The following POLR1A variants were observed in gnomAD, a reference collection of about 807,000 sequenced individuals.
POLR1A encodes the protein RNA polymerase I subunit A.
A neutral mutation model predicts 205.3 loss-of-function variants in POLR1A; 84 were observed. The observed-to-expected ratio is 0.41, with a 90% CI of 0.34 to 0.49. POLR1A has a LOEUF of 0.49. POLR1A is among the 20% of genes least tolerant of loss of function. POLR1A has a pLI of 0.22. For synonymous variants in POLR1A, 799 were observed against 863.7 expected (o/e 0.93, Z 1.31); for missense variants, 1,645 against 2,204.5 (o/e 0.75, Z 5.08).
Position 86,032,516 on chromosome 2 carries a change from C to A in POLR1A, c.4162-134G>T, listed in dbSNP as rs1573801619. ...ACCCCTTCTCCCATCCAGCCACCAC[C>A]CTCCATCCACTGCCACCCAACCCAA... On this transcript the variant is annotated intron_variant, in intron 28 of 33. Coordinates refer to ENST00000263857, the MANE Select transcript of POLR1A (RefSeq NM_015425.6). 3 of 686,716 alleles carry A rather than the reference C, an allele frequency of 4.4e-6. No homozygotes were observed. In the East Asian group the frequency reaches 8.1e-5, roughly 19 times the overall value. The allele number at this position is 686,716 out of a possible 1,614,324, so 42.5% of individuals were successfully genotyped here.
rs11372631 is a variant in POLR1A, at chr2:86,020,547, C to CAAAAAAAA, written c.*6868_*6875dup. 2 of 73,292 alleles carry CAAAAAAAA rather than the reference C, an allele frequency of 2.7e-5. No homozygotes were observed. The highest frequency in any genetic ancestry group is 9.6e-5 in the African/African-American group (2 of 20,896). 4.5% of individuals were successfully genotyped at this position (73,292 alleles called of 1,614,324 possible). ...TGGGCAACAGAGTGAGACCCCGTCT[C>CAAAAAAAA]AAAAAAAAAAAAAAAAAAAAAAAGA... On this transcript the variant is annotated 3_prime_UTR_variant, in exon 34 of 34. Transcript: ENST00000263857.
At position 86,095,319 on chromosome 2, in the gene POLR1A, C is replaced by A. The variant is rs778927391; in HGVS notation, c.432+3292G>T. 7.2e-5 allele frequency among the ~76,000 whole-genome samples: 11 copies of A among 152,298 alleles called. No individual in the cohort carries two copies. The South Asian group carries it at 1.5e-3, about 20-fold the overall frequency. On this transcript the variant is annotated intron_variant, in intron 3 of 33. Coordinates refer to ENST00000263857, the MANE Select transcript of POLR1A (RefSeq NM_015425.6). ...GAAATAAGACAAAGATACCCACTAC[C>A]ACTTCAACACAGTAATGTAGATCCT...
intron 7 of POLR1A, among the ~76,000 whole-genome samples, chr2:86,082,659 G>A (rs1192619026): frequency 1.3e-5 from 2 of 152,084 alleles, no homozygotes; most frequent in African/African-American, 4.8e-5. Context: ...TACTGCGTAG[G>A]TTTTGTTATA....
At chr2:86,032,118 G>T (rs1672408677) in intron 29 of POLR1A, among the ~76,000 whole-genome samples, 154 bp downstream of exon 29, 1 of 152,182 alleles carries the variant, frequency 6.6e-6, no homozygotes, top group African/African-American at 2.4e-5. Context: ...ATCTTCTCAA[G>T]AGAGAGGTAT....
At chr2:86,062,411 A>T (rs1367119291) in intron 14 of POLR1A, among the ~76,000 whole-genome samples, 1 of 152,200 alleles carries the variant, frequency 6.6e-6, no homozygotes, top group East Asian at 1.9e-4. Flanking sequence ...TATTTGGAAA[A>T]GCCCTCAATA....
At chr2:86,063,335 C>CAAAAAAAAAAAAAAAAAAAAAAAAAAAAA (rs34298205) in intron 14 of POLR1A, among the ~76,000 whole-genome samples, 1 of 41,230 alleles carries the variant, frequency 2.4e-5, no homozygotes. Flanking sequence ...AACTCCATCT[C>CAAAAAAAAAAAAAAAAAAAAAAAAAAAAA]AAAAAAAAAA....
At chr2:86,079,563 C>CTTT in intron 9 of POLR1A, among the ~76,000 whole-genome samples, 2 of 149,242 alleles carry the variant, frequency 1.3e-5, no homozygotes, top group Middle Eastern at 3.5e-3. Flanking sequence ...ACCAATTTTT[C>CTTT]TTTTTTTTTT....
At position 86,028,084 on chromosome 2, in the gene POLR1A, G is replaced by A. The variant is rs746483542; in HGVS notation, c.4898-35C>T. 5 of 1,609,736 alleles carry A rather than the reference G, an allele frequency of 3.1e-6. No homozygotes were observed. In the Admixed American group the frequency reaches 6.7e-5, roughly 21 times the overall value. ...GGGAGGTAAAATTAGGAGGGATTAA[G>A]CAGTGACCACGGGAGCAGTCAGCAG... On this transcript the variant is annotated intron_variant, in intron 32 of 33. Transcript: ENST00000263857. This position sits in a 1 kb window ranked among gnomAD's most constrained non-coding sequence, Gnocchi z 4.5.
At chr2:86,065,628 G>C in intron 13 of POLR1A, 163 bp from the exon 14 acceptor site, 1 of 624,022 alleles carries the variant, frequency 1.6e-6, no homozygotes, top group Non-Finnish European at 2.8e-6. Flanking sequence ...GGAGCCAACT[G>C]CTTCCCAAAG....
At chr2:86,069,879 C>T in intron 13 of POLR1A, 139 bp downstream of exon 13, 1 of 877,646 alleles carries the variant, frequency 1.1e-6, no homozygotes, top group Non-Finnish European at 1.7e-6. Context: ...AAAGCCCCAC[C>T]TGGGAGAAAC....
Position 86,020,735 on chromosome 2 carries a change from G to A in POLR1A, c.*6688C>T, listed in dbSNP as rs1403855742. On this transcript the variant is annotated 3_prime_UTR_variant, in exon 34 of 34. Coordinates refer to ENST00000263857, the MANE Select transcript of POLR1A (RefSeq NM_015425.6). The stretch of plus-strand genomic sequence containing the variant: ...TCTTTGCTGTGGAGACTGTCCTGTG[G>A]ACTGTAGTTTAGCAGCATCTCTAGC... 6.6e-6 allele frequency: 1 copy of A among 152,134 alleles called. No homozygotes were observed. Among genetic ancestry groups the A allele is most frequent in the African/African-American group, 2.4e-5 (1 of 41,408 alleles). 9.4% of individuals were successfully genotyped at this position (152,134 alleles called of 1,614,324 possible).
intron 1 of POLR1A, among the ~76,000 whole-genome samples, chr2:86,104,706 C>G (rs998638180): frequency 2.1e-4 from 32 of 152,302 alleles, no homozygotes; most frequent in African/African-American, 7.2e-4. Flanking sequence ...CTCGGCCTCC[C>G]AAAGTGCTGG....
At chr2:86,037,228 C>T (rs946939998) in intron 27 of POLR1A, among the ~76,000 whole-genome samples, 4 of 152,252 alleles carry the variant, frequency 2.6e-5, no homozygotes, top group Non-Finnish European at 4.4e-5. Context: ...GAGGACCACT[C>T]GACAGAAGGA....
rs1053882449 is a variant in POLR1A, at chr2:86,023,359, G to A, written c.*4064C>T. 6.6e-6 allele frequency: 1 copy of A among 152,162 alleles called. No homozygotes were observed. Among genetic ancestry groups the A allele is most frequent in the African/African-American group, 2.4e-5 (1 of 41,424 alleles). The allele number at this position is 152,162 out of a possible 1,614,324, so 9.4% of individuals were successfully genotyped here. On this transcript the variant is annotated 3_prime_UTR_variant, in exon 34 of 34. Coordinates refer to ENST00000263857, the MANE Select transcript of POLR1A (RefSeq NM_015425.6). ...AAGACTCAACGAACCAGCCTTTAAC[G>A]ACCAGTCTTTTCTATTTCAAGAGCA...
At chr2:86,065,130 C>T in intron 14 of POLR1A, 144 bp downstream of exon 14, 1 of 773,906 alleles carries the variant, frequency 1.3e-6, no homozygotes, top group Admixed American at 2.8e-5. Context: ...ACTCAGGAAC[C>T]CCAAACAAAG....
At chr2:86,067,059 CCT>C (rs1673094814) in intron 13 of POLR1A, among the ~76,000 whole-genome samples, 1 of 152,130 alleles carries the variant, frequency 6.6e-6, no homozygotes, top group Admixed American at 6.5e-5. Context: ...AGTGCCTTTT[CCT>C]CTCTCTGTCC....
At chr2:86,084,720 G>A (rs1166748637) in intron 6 of POLR1A, among the ~76,000 whole-genome samples, 7 of 146,068 alleles carry the variant, frequency 4.8e-5, no homozygotes, top group African/African-American at 1.3e-4. Flanking sequence ...AGGCTGGAGT[G>A]CAGCGGCACG....
chr2:86,041,398 G>A (rs543544469), intron 24 of POLR1A, among the ~76,000 whole-genome samples: 4 of 152,080 alleles, frequency 2.6e-5, no homozygotes, highest in African/African-American at 9.6e-5. Context: ...GTCTGTGTGT[G>A]TGTGTGTGTG....
rs1388988122 is a variant in POLR1A, at chr2:86,070,325, G to A, written c.1612-53C>T. The stretch of plus-strand genomic sequence containing the variant: ...TCAGTGCAAACGTCAGTATCACCAC[G>A]GCTCTTTCCAAGTGCTCACCTCAGC... On this transcript the variant is annotated intron_variant, in intron 12 of 33. Coordinates refer to ENST00000263857, the MANE Select transcript of POLR1A (RefSeq NM_015425.6). The surrounding 1 kb of genome is among the most constrained non-coding windows in gnomAD (Gnocchi z 4.4). 2.1e-5 allele frequency: 32 copies of A among 1,538,134 alleles called. No individual in the cohort carries two copies. The highest frequency in any genetic ancestry group is 5.5e-5 in the African/African-American group (4 of 73,168).
Sources: allele counts gnomAD v4.1 joint callset (sites outside exome capture counted in the v4.1 genomes callset), GRCh38; gene constraint gnomAD v4.1.1; non-coding constraint Gnocchi (gnomAD v3.1); transcripts MANE v1.5; gene names NCBI Gene and HGNC (gene_info 2026-07-23, HGNC 2026-07-21).